The following CLYBL variants were observed in gnomAD, a reference collection of about 807,000 sequenced individuals.
CLYBL encodes the protein citramalyl-CoA lyase, also known as citramalyl-CoA lyase, mitochondrial.
In CLYBL, 31 loss-of-function variants were observed where a neutral mutation model predicts 38.9. The ratio of observed to expected loss-of-function variants is 0.80; its 90% CI spans 0.60 to 1.08. The LOEUF (loss-of-function observed/expected upper bound fraction) is 1.08. Among genes scored for constraint, CLYBL ranks in the 50% least tolerant of loss-of-function variants. The pLI, the probability that CLYBL is intolerant of heterozygous loss-of-function variation, is 0.00. For missense variants in CLYBL, 434 were observed against 411.6 expected (o/e 1.05, Z -0.47); for synonymous variants, 171 against 158.6 (o/e 1.08, Z -0.59).
At chr13:99,864,939 TTC>T (rs933161798) in intron 5 of CLYBL, 28 bp downstream of exon 5, 16 of 1,469,468 alleles carry the variant, frequency 1.1e-5, no homozygotes, top group African/African-American at 4.6e-5. Context: ...CTCTCTCTTT[TTC>T]TGTGTGTGTG....
chr13:99,759,423 T>C (rs1454807542), intron 1 of CLYBL, among the ~76,000 whole-genome samples: 1 of 152,164 alleles, frequency 6.6e-6, no homozygotes, highest in African/African-American at 2.4e-5. Context: ...AATGCTTGAC[T>C]CTTCCACAAG....
At chr13:99,620,438 GTGC>G (rs1218468916) in intron 1 of CLYBL, among the ~76,000 whole-genome samples, 1 of 152,194 alleles carries the variant, frequency 6.6e-6, no homozygotes, top group Non-Finnish European at 1.5e-5. Context: ...AAAACAAGCA[GTGC>G]TGATGTCAGA....
chr13:99,704,925 T>C (rs1594129398), intron 1 of CLYBL, among the ~76,000 whole-genome samples: 1 of 152,306 alleles, frequency 6.6e-6, no homozygotes, highest in Admixed American at 6.5e-5. Context: ...CTCTTGGTTA[T>C]CTAGGGCAAT....
chr13:99,614,938 T>G (rs9554617), intron 1 of CLYBL, among the ~76,000 whole-genome samples: 61,932 of 152,032 alleles, frequency 0.41, 13,251 homozygotes, highest in East Asian at 0.76. Flanking sequence ...TCCTTGCAAA[T>G]AACTCTCCTT....
chr13:99,661,720 G>T (rs1334844486), intron 1 of CLYBL, among the ~76,000 whole-genome samples: 1 of 152,102 alleles, frequency 6.6e-6, no homozygotes, highest in African/African-American at 2.4e-5. Flanking sequence ...TTTTTTTAAA[G>T]TATGATTTTG....
intron 2 of CLYBL, among the ~76,000 whole-genome samples, chr13:99,844,209 G>A (rs1165533249): frequency 1.3e-5 from 2 of 152,186 alleles, no homozygotes; most frequent in Non-Finnish European, 2.9e-5. Flanking sequence ...ATGCAAGATT[G>A]GGAGCCCAAG....
chr13:99,838,468 T>A (rs1427801910), intron 2 of CLYBL, among the ~76,000 whole-genome samples: 1 of 152,062 alleles, frequency 6.6e-6, no homozygotes, highest in Non-Finnish European at 1.5e-5. Flanking sequence ...CTACAATTTT[T>A]ATCTCAGAAA....
At chr13:99,683,633 G>A (rs2047771381) in intron 1 of CLYBL, among the ~76,000 whole-genome samples, 1 of 151,804 alleles carries the variant, frequency 6.6e-6, no homozygotes. Context: ...CCAGTGGAAG[G>A]TCTTTAGGGG....
intron 1 of CLYBL, among the ~76,000 whole-genome samples, chr13:99,628,715 T>A (rs995168199): frequency 6.6e-6 from 1 of 152,202 alleles, no homozygotes; most frequent in Non-Finnish European, 1.5e-5. Context: ...CAGTGTGTAA[T>A]AGAGTTTAAA....
chr13:99,640,369 G>A (rs1192338102), intron 1 of CLYBL, among the ~76,000 whole-genome samples: 1 of 152,168 alleles, frequency 6.6e-6, no homozygotes, highest in East Asian at 1.9e-4. Context: ...GTTCACTAAT[G>A]TTAGGCTGAG....
intron 7 of CLYBL, among the ~76,000 whole-genome samples, chr13:99,888,762 T>C (rs1447008903): frequency 6.6e-6 from 1 of 151,980 alleles, no homozygotes; most frequent in Admixed American, 6.6e-5. Flanking sequence ...AAATATATAA[T>C]AAATATAAAA....
At chr13:99,863,751 T>C (rs1305221505) in intron 4 of CLYBL, among the ~76,000 whole-genome samples, 64 of 152,218 alleles carry the variant, frequency 4.2e-4, no homozygotes, top group Admixed American at 4.1e-3. Flanking sequence ...TTCCAAAATA[T>C]GCCTCTCATT....
At chr13:99,834,010 T>C (rs1213197761) in intron 2 of CLYBL, among the ~76,000 whole-genome samples, 1 of 152,018 alleles carries the variant, frequency 6.6e-6, no homozygotes, top group African/African-American at 2.4e-5. Flanking sequence ...CTGTGTTGCT[T>C]ATTTTGAGGA....
At chr13:99,807,426 G>A (rs79120005) in intron 2 of CLYBL, among the ~76,000 whole-genome samples, 1,958 of 152,270 alleles carry the variant, frequency 0.013, 22 homozygotes, top group East Asian at 0.074. Flanking sequence ...CCAAAAGGTC[G>A]AAGCAACCTA....
intron 1 of CLYBL, among the ~76,000 whole-genome samples, chr13:99,620,678 G>A (rs2046779134): frequency 1.3e-5 from 2 of 152,132 alleles, no homozygotes; most frequent in South Asian, 2.1e-4. Flanking sequence ...TCAGGAGGCT[G>A]AGGCAGGAGA....
chr13:99,841,348 G>T (rs1281759403), intron 2 of CLYBL, among the ~76,000 whole-genome samples: 1 of 151,968 alleles, frequency 6.6e-6, no homozygotes, highest in African/African-American at 2.4e-5. Flanking sequence ...CGTGACTGAG[G>T]TACCTATAAT....
At chr13:99,645,915 G>A (rs2047169781) in intron 1 of CLYBL, among the ~76,000 whole-genome samples, 1 of 152,116 alleles carries the variant, frequency 6.6e-6, no homozygotes, top group South Asian at 2.1e-4. Context: ...CCAGGGAGAG[G>A]GCTTTCTTTA....
intron 2 of CLYBL, among the ~76,000 whole-genome samples, chr13:99,777,679 G>A (rs2049550303): frequency 6.6e-6 from 1 of 151,934 alleles, no homozygotes; most frequent in Non-Finnish European, 1.5e-5. Context: ...TTTTAGTAGA[G>A]ACGGGGTTTC....
At chr13:99,826,760 A>G (rs897086522) in intron 2 of CLYBL, among the ~76,000 whole-genome samples, 124 of 152,330 alleles carry the variant, frequency 8.1e-4, no homozygotes, top group African/African-American at 2.6e-3. Flanking sequence ...TTCTAATCCC[A>G]TATCTGTCTT....
Sources: allele counts gnomAD v4.1 joint callset (sites outside exome capture counted in the v4.1 genomes callset), GRCh38; gene constraint gnomAD v4.1.1; transcripts MANE v1.5; gene names NCBI Gene and HGNC (gene_info 2026-07-23, HGNC 2026-07-21).